MACROD2: variants seen among roughly 807,000 people sequenced by gnomAD.
The protein encoded by MACROD2 is mono-ADP ribosylhydrolase 2.
Under a neutral mutation model 70.4 loss-of-function variants are expected in MACROD2, and 36 were observed. That is an observed-to-expected ratio of 0.51 (90% CI 0.39 to 0.68). MACROD2 has a LOEUF of 0.68. Among genes scored for constraint, MACROD2 ranks in the 30% least tolerant of loss-of-function variants. The probability of loss-of-function intolerance (pLI) is 0.00; values close to 1 mark genes in which losing one functional copy is unlikely to be tolerated. For synonymous variants in MACROD2, 172 were observed against 178.8 expected (o/e 0.96, Z 0.30); for missense variants, 496 against 538.4 (o/e 0.92, Z 0.78).
intron 5 of MACROD2, among the ~76,000 whole-genome samples, chr20:14,804,527 C>T (rs989298464): frequency 1.3e-5 from 2 of 151,948 alleles, no homozygotes; most frequent in Admixed American, 6.6e-5. Context: ...AACATAGGTC[C>T]ATGGAAAACA....
intron 5 of MACROD2, among the ~76,000 whole-genome samples, chr20:14,723,586 G>A (rs1249821761): frequency 6.7e-6 from 1 of 149,312 alleles, no homozygotes. Context: ...GTGTGCTAGA[G>A]TCTCTATAAA....
At chr20:15,490,029 T>A (rs903308236) in intron 7 of MACROD2, among the ~76,000 whole-genome samples, 2 of 152,136 alleles carry the variant, frequency 1.3e-5, no homozygotes, top group Non-Finnish European at 2.9e-5. Context: ...TATCATTACT[T>A]TCTCTTCAAG....
At chr20:15,581,098 C>T (rs1021899199) in intron 8 of MACROD2, among the ~76,000 whole-genome samples, 2 of 152,172 alleles carry the variant, frequency 1.3e-5, no homozygotes, top group Admixed American at 1.3e-4. Context: ...CTTCAGAGAA[C>T]AATCCATCAT....
In MACROD2 at chr20:16,052,939, A is replaced by C. The variant is rs1383251345; in HGVS notation, c.*3063A>C. The C allele has an allele frequency of 6.6e-6, 1 of 152,636 alleles. No individual in the cohort carries two copies. The highest frequency in any genetic ancestry group is 2.4e-5 in the African/African-American group (1 of 41,456). 9.5% of individuals were successfully genotyped at this position (152,636 alleles called of 1,614,324 possible). On this transcript the variant is annotated 3_prime_UTR_variant, in exon 18 of 18. Transcript: ENST00000684519. ...CAGAAAAAAAGTAATTTTCTTGATC[A>C]AGATATGTTTTTACTTAATGCAAAT...
At position 15,016,603 on chromosome 20, in the gene MACROD2, T is replaced by C. The variant is rs1467199553; in HGVS notation, c.419-213337T>C. ...TTAAAAGAGCCTGGCACGTCCCCCC[T>C]CTCTCTCTCTTGCTTCCTCTCTTGC... On this transcript the variant is annotated intron_variant, in intron 5 of 17. Transcript: ENST00000684519. Among the ~76,000 whole-genome samples, 9 of 151,646 alleles carry C rather than the reference T, an allele frequency of 5.9e-5. No individual in the cohort carries two copies. The South Asian group carries it at 8.3e-4, about 14-fold the overall frequency.
chr20:15,090,651 T>C (rs2123163043), intron 5 of MACROD2, among the ~76,000 whole-genome samples: 1 of 152,066 alleles, frequency 6.6e-6, no homozygotes, highest in Non-Finnish European at 1.5e-5. Flanking sequence ...TGGTGATGAG[T>C]GGGCAAACTC....
At chr20:15,924,484 C>G (rs149821353) in intron 10 of MACROD2, among the ~76,000 whole-genome samples, 12 of 152,314 alleles carry the variant, frequency 7.9e-5, no homozygotes, top group African/African-American at 9.6e-5. Context: ...TTATTCATAT[C>G]TACATAGAGG....
At chr20:15,799,960 T>C (rs996741707) in intron 8 of MACROD2, among the ~76,000 whole-genome samples, 3 of 152,184 alleles carry the variant, frequency 2.0e-5, no homozygotes, top group African/African-American at 7.2e-5. Flanking sequence ...TTTTCGTCTG[T>C]TCATTTGATA....
intron 3 of MACROD2, among the ~76,000 whole-genome samples, chr20:14,420,578 A>C (rs1017757921): frequency 2.6e-5 from 4 of 152,060 alleles, no homozygotes; most frequent in Non-Finnish European, 5.9e-5. Context: ...TTTGTTTTTC[A>C]TTGCCATTAT....
chr20:14,948,261 T>C (rs1374276904), intron 5 of MACROD2, among the ~76,000 whole-genome samples: 1 of 152,154 alleles, frequency 6.6e-6, no homozygotes, highest in East Asian at 1.9e-4. Context: ...CACAAATACT[T>C]GATGGGAGTG....
At chr20:14,695,417 G>C (rs1306306280) in intron 5 of MACROD2, among the ~76,000 whole-genome samples, 2 of 152,162 alleles carry the variant, frequency 1.3e-5, no homozygotes, top group Non-Finnish European at 2.9e-5. Flanking sequence ...AAGGTCTCAA[G>C]ATCCTTAACT....
At chr20:15,374,536 T>C (rs539196024) in intron 6 of MACROD2, among the ~76,000 whole-genome samples, 2 of 152,290 alleles carry the variant, frequency 1.3e-5, no homozygotes, top group African/African-American at 4.8e-5. Flanking sequence ...AGAACACAGC[T>C]TTCCTTGGTG....
chr20:15,337,405 T>C (rs928250847), intron 6 of MACROD2, among the ~76,000 whole-genome samples: 1 of 151,650 alleles, frequency 6.6e-6, no homozygotes, highest in Non-Finnish European at 1.5e-5. Context: ...AATCAAACCA[T>C]TTTTTTACAC....
chr20:14,073,823 ATACTTTTTCCCCAAATATGACTTT>A (rs2053882077), intron 2 of MACROD2, among the ~76,000 whole-genome samples: 1 of 152,368 alleles, frequency 6.6e-6, no homozygotes, highest in Non-Finnish European at 1.5e-5. Context: ...TAGAAGGGAC[ATACTTTTTCCCCAAATATGACTTT>A]TTGAACAGCA....
intron 5 of MACROD2, among the ~76,000 whole-genome samples, chr20:14,705,843 C>T (rs1375699760): frequency 6.6e-6 from 1 of 152,094 alleles, no homozygotes. Flanking sequence ...AGTATCTTTG[C>T]CACTGTTTCC....
intron 9 of MACROD2, among the ~76,000 whole-genome samples, chr20:15,880,846 C>T (rs936339494): frequency 1.3e-5 from 2 of 152,022 alleles, no homozygotes; most frequent in African/African-American, 4.8e-5. Context: ...AGGACATCCA[C>T]ATCTAGGCAT....
chr20:14,695,834 G>A (rs538436787), intron 5 of MACROD2, among the ~76,000 whole-genome samples: 15 of 152,314 alleles, frequency 9.8e-5, no homozygotes, highest in Admixed American at 5.9e-4. Flanking sequence ...ATCCAGCCAA[G>A]CCACTCCAAA....
intron 3 of MACROD2, among the ~76,000 whole-genome samples, chr20:14,225,789 CAA>C: frequency 1.3e-5 from 2 of 152,190 alleles, no homozygotes; most frequent in South Asian, 4.2e-4. Context: ...TTAGGTGATC[CAA>C]AATATTTTTT....
At chr20:14,340,513 T>C (rs913808674) in intron 3 of MACROD2, among the ~76,000 whole-genome samples, 9 of 152,038 alleles carry the variant, frequency 5.9e-5, no homozygotes, top group Admixed American at 1.3e-4. Context: ...ATTTTTCAAA[T>C]TTCTCTTTGA....
Sources: allele counts gnomAD v4.1 joint callset (sites outside exome capture counted in the v4.1 genomes callset), GRCh38; gene constraint gnomAD v4.1.1; transcripts MANE v1.5; gene names NCBI Gene and HGNC (gene_info 2026-07-23, HGNC 2026-07-21).